Variants in ATRNL1 observed in about 807,000 individuals in gnomAD.
The protein encoded by ATRNL1 is attractin like 1.
Under a neutral mutation model 182.7 loss-of-function variants are expected in ATRNL1, and 95 were observed. That is an observed-to-expected ratio of 0.52 (90% CI 0.44 to 0.62). ATRNL1 has a LOEUF of 0.62. Among genes scored for constraint, ATRNL1 ranks in the 20% least tolerant of loss-of-function variants. ATRNL1 has a pLI of 0.00. For synonymous variants in ATRNL1, 576 were observed against 568.3 expected (o/e 1.01, Z -0.19); for missense variants, 1,471 against 1,679.5 (o/e 0.88, Z 2.17).
chr10:115,215,830 A>G lies in ATRNL1; in HGVS notation c.1482A>G (p.Lys494=). ...HGGYKALPGN[K]YGLVDDLYKY... ...GGTATAAAGCATTGCCAGGGAACAA[A>G]TATGGATTGGTTGATGATCTTTATA... Residue 494 remains lysine (K), a synonymous_variant, in exon 9 of 29, where the codon AAA becomes AAG. Transcript: ENST00000355044. 1.3e-6 allele frequency: 2 copies of G among 1,598,500 alleles called. No individual in the cohort carries two copies. The highest frequency in any genetic ancestry group is 1.7e-6 in the Non-Finnish European group (2 of 1,174,848).
chr10:115,137,102 G>C (rs1845547885), intron 5 of ATRNL1, among the ~76,000 whole-genome samples: 1 of 152,178 alleles, frequency 6.6e-6, no homozygotes, highest in African/African-American at 2.4e-5. Flanking sequence ...GGCTGAGGCA[G>C]GAGAATCACT....
intron 19 of ATRNL1, among the ~76,000 whole-genome samples, chr10:115,353,139 A>G (rs549589742): frequency 5.9e-5 from 9 of 152,322 alleles, no homozygotes; most frequent in Admixed American, 5.2e-4. Context: ...TATTTAAAAT[A>G]TATGTTCAGT....
chr10:115,266,111 T>G (rs1388054786), intron 11 of ATRNL1, among the ~76,000 whole-genome samples: 10 of 151,854 alleles, frequency 6.6e-5, no homozygotes, highest in African/African-American at 2.2e-4. Context: ...TAAAAGACAT[T>G]CTTGAAGACT....
intron 19 of ATRNL1, among the ~76,000 whole-genome samples, chr10:115,385,928 C>G: frequency 6.6e-6 from 1 of 152,140 alleles, no homozygotes; most frequent in Admixed American, 6.6e-5. Context: ...CTCTCTTTGG[C>G]CTAATGTCAT....
chr10:115,837,798 G>T (rs1157309893), intron 27 of ATRNL1, among the ~76,000 whole-genome samples: 1 of 152,204 alleles, frequency 6.6e-6, no homozygotes, highest in Non-Finnish European at 1.5e-5. Flanking sequence ...AGAAAGATAA[G>T]AAAAGATCTT....
At chr10:115,172,895 T>G (rs1406452581) in intron 8 of ATRNL1, among the ~76,000 whole-genome samples, 1 of 150,966 alleles carries the variant, frequency 6.6e-6, no homozygotes, top group East Asian at 2.0e-4. Context: ...TTATAATTAC[T>G]CATGTCAAGT....
At chr10:115,672,108 T>C (rs1945715039) in intron 26 of ATRNL1, among the ~76,000 whole-genome samples, 1 of 152,086 alleles carries the variant, frequency 6.6e-6, no homozygotes. Context: ...ATATAACACA[T>C]TGTACTTTTA....
At chr10:115,216,013 G>T (rs1383983644) in intron 9 of ATRNL1, 133 bp downstream of exon 9, 107 of 638,818 alleles carry the variant, frequency 1.7e-4, no homozygotes, top group South Asian at 6.5e-4. Context: ...CTTAATTTCA[G>T]ATGAGTAATT....
At chr10:115,109,766 A>C (rs782739734) in intron 1 of ATRNL1, among the ~76,000 whole-genome samples, 4 of 152,184 alleles carry the variant, frequency 2.6e-5, no homozygotes, top group African/African-American at 9.7e-5. Flanking sequence ...GAGGCAATCA[A>C]CTTGTTTTGG....
chr10:115,876,911 A>C (rs1035624346), intron 28 of ATRNL1, among the ~76,000 whole-genome samples: 6 of 152,194 alleles, frequency 3.9e-5, no homozygotes, highest in Admixed American at 3.9e-4. Context: ...CATTTCTAGC[A>C]TTTCAGCCAA....
intron 21 of ATRNL1, among the ~76,000 whole-genome samples, chr10:115,458,100 A>G (rs1592687047): frequency 6.6e-6 from 1 of 152,140 alleles, no homozygotes; most frequent in African/African-American, 2.4e-5. Flanking sequence ...AGTTATGTAC[A>G]TTTATGGATA....
Position 115,160,189 on chromosome 10 carries a change from T to A in ATRNL1, c.979T>A (p.Tyr327Asn), listed in dbSNP as rs1433461059. ...GGTGATTGGTGGATATACTTTTAAC[T>A]ACAGTTCTTTTCAAATGGTCCTAAA... is the stretch of plus-strand genomic sequence containing the variant. ...MWVIGGYTFNYSSFQMVLNYN... is the reference protein window; with the variant it reads ...MWVIGGYTFNNSSFQMVLNYN... Residue 327 changes from tyrosine (Y) to asparagine (N), a missense_variant, in exon 6 of 29, where the codon TAC becomes AAC. Tyr to Asn is a moderately radical substitution (Grantham distance 143, BLOSUM62 -2). Transcript: ENST00000355044. 1 of 1,612,102 alleles carries A rather than the reference T, an allele frequency of 6.2e-7. No homozygotes were observed. The highest frequency in any genetic ancestry group is 8.5e-7 in the Non-Finnish European group (1 of 1,178,734).
chr10:115,477,563 T>C (rs1227585025), intron 24 of ATRNL1, among the ~76,000 whole-genome samples: 1 of 151,404 alleles, frequency 6.6e-6, no homozygotes, highest in Non-Finnish European at 1.5e-5. Context: ...AGAAAAAAAA[T>C]TGTCCTGGGA....
chr10:115,425,778 AAACTGGTGTAGAAAATTTTTTT>A (rs1224213313), intron 20 of ATRNL1, among the ~76,000 whole-genome samples: 1 of 152,076 alleles, frequency 6.6e-6, no homozygotes, highest in Non-Finnish European at 1.5e-5. Context: ...ATTGGTGTAG[AAACTGGTGTAGAAAATTTTTTT>A]AACTGGTGTA....
At chr10:115,708,433 G>A (rs1487282520) in intron 26 of ATRNL1, among the ~76,000 whole-genome samples, 3 of 151,634 alleles carry the variant, frequency 2.0e-5, no homozygotes, top group Non-Finnish European at 3.0e-5. Context: ...ATCTTCCTAA[G>A]GGGAATTATT....
chr10:115,527,563 T>C (rs1554986873), intron 25 of ATRNL1, among the ~76,000 whole-genome samples: 1 of 152,186 alleles, frequency 6.6e-6, no homozygotes, highest in Non-Finnish European at 1.5e-5. Flanking sequence ...TGAGGGTAGA[T>C]TTTTAAATTT....
At chr10:115,268,690 C>T (rs1190909779) in intron 13 of ATRNL1, among the ~76,000 whole-genome samples, 2 of 152,158 alleles carry the variant, frequency 1.3e-5, no homozygotes, top group Non-Finnish European at 2.9e-5. Context: ...AGACTGGGAA[C>T]ATTTTTTCAA....
intron 19 of ATRNL1, among the ~76,000 whole-genome samples, chr10:115,352,045 G>A (rs1421694923): frequency 6.6e-6 from 1 of 151,922 alleles, no homozygotes; most frequent in Non-Finnish European, 1.5e-5. Flanking sequence ...AATTTTGGTA[G>A]TTTGTATGTA....
At chr10:115,543,385 GA>G (rs1159342871) in intron 25 of ATRNL1, among the ~76,000 whole-genome samples, 2 of 151,886 alleles carry the variant, frequency 1.3e-5, no homozygotes, top group Non-Finnish European at 2.9e-5. Flanking sequence ...TCGTTTGTAA[GA>G]AAAAATCCTT....
Sources: gnomAD v4.1 joint callset for allele counts (sites outside exome capture counted in the v4.1 genomes callset) on GRCh38, gnomAD v4.1.1 for gene constraint, MANE v1.5 for transcripts, NCBI Gene and HGNC (gene_info 2026-07-23, HGNC 2026-07-21) for gene names.